MYOM3: variants seen among roughly 807,000 people sequenced by gnomAD.
MYOM3 encodes the protein myomesin 3, also known as myomesin-3.
A neutral mutation model predicts 191.7 loss-of-function variants in MYOM3; 155 were observed. That is an observed-to-expected ratio of 0.81 (90% CI 0.71 to 0.92). The LOEUF is 0.92. Among genes scored for constraint, MYOM3 ranks in the 40% least tolerant of loss-of-function variants. The pLI is 0.00. For synonymous variants in MYOM3, 757 were observed against 762.9 expected, an observed-to-expected ratio of 0.99 and a Z score of 0.13; for missense variants, 1,889 against 1,890.6, an observed-to-expected ratio of 1.00 and a Z score of 0.02.
rs546596346 is a variant in MYOM3, at chr1:24,093,184, G to T, written c.929-76C>A. On this transcript the variant is annotated intron_variant, in intron 9 of 36. Coordinates refer to ENST00000374434, the MANE Select transcript of MYOM3 (RefSeq NM_152372.4). Reference sequence around the variant, plus strand: ...ACCTGGGAACCACAGAAACTGGGGGGTCTGGAGACCCTGGCTGGGCAGAGA... The same window carrying T: ...ACCTGGGAACCACAGAAACTGGGGGTTCTGGAGACCCTGGCTGGGCAGAGA... 9.6e-6 allele frequency: 9 copies of T among 938,460 alleles called. No homozygotes were observed. The Admixed American group carries it at 1.0e-4, about 11-fold the overall frequency. The allele number at this position is 938,460 out of a possible 1,614,324, so 58.1% of individuals were successfully genotyped here. A position where few individuals can be genotyped will look rare whatever the true frequency, so the allele number is the denominator to read the frequency against.
rs1282930646 is a variant in MYOM3 at position 24,067,108 on chromosome 1, GT to G, written c.3356-21del. 3 of 1,562,948 alleles carry G rather than the reference GT, an allele frequency of 1.9e-6. No individual in the cohort carries two copies. The African/African-American group carries it at 4.1e-5, about 21-fold the overall frequency. ...AGGGACCTGTGCGTGCAAAACAAATGTGCCCACTGTCAGAGAGCCAGGCTCA... is the reference window on the plus strand; with the variant it reads ...AGGGACCTGTGCGTGCAAAACAAATGGCCCACTGTCAGAGAGCCAGGCTCA... On this transcript the variant is annotated intron_variant, in intron 27 of 36. Coordinates refer to ENST00000374434, the MANE Select transcript of MYOM3 (RefSeq NM_152372.4).
In MYOM3 at chr1:24,087,056, C is replaced by T. The variant is rs1469905376; in HGVS notation, c.1615-229G>A. The stretch of plus-strand genomic sequence containing the variant: ...GTCCACAACGCGGCTCCAGAGCTTC[C>T]CACACCTGCATTGCACTGGTGGCCC... On this transcript the variant is annotated intron_variant, in intron 14 of 36. Coordinates refer to ENST00000374434, the MANE Select transcript of MYOM3 (RefSeq NM_152372.4). This position sits in a 1 kb window ranked among gnomAD's most constrained non-coding sequence, Gnocchi z 4.5. 6.6e-6 allele frequency among the ~76,000 whole-genome samples: 1 copy of T among 152,154 alleles called. No individual in the cohort carries two copies. The highest frequency in any genetic ancestry group is 2.1e-4 in the South Asian group (1 of 4,812).
chr1:24,094,452 C>T (rs1468203460), intron 9 of MYOM3, among the ~76,000 whole-genome samples: 2 of 152,088 alleles, frequency 1.3e-5, no homozygotes, highest in Non-Finnish European at 2.9e-5. Context: ...CAGGTGTGAG[C>T]CACCACGCCT....
At chr1:24,085,593 C>A (rs1643728899) in intron 15 of MYOM3, among the ~76,000 whole-genome samples, 1 of 152,170 alleles carries the variant, frequency 6.6e-6, no homozygotes, top group South Asian at 2.1e-4. Flanking sequence ...TCCTGCCTAT[C>A]CCAGGTCTTC....
rs368381357 is a variant in MYOM3 at position 24,074,293 on chromosome 1, G to A, written c.2859-24C>T. On this transcript the variant is annotated intron_variant, in intron 22 of 36. Transcript: ENST00000374434. ...ACCTGGCAGAGAGAGGAGAGCAGAG[G>A]CTCTGGGAGGAGCTCCTTGGTCCTG... The A allele has an allele frequency of 2.3e-5, 36 of 1,578,728 alleles. No individual in the cohort carries two copies. In the African/African-American group the frequency reaches 4.0e-4, roughly 18 times the overall value.
intron 7 of MYOM3, among the ~76,000 whole-genome samples, chr1:24,096,678 C>T (rs1643879700): frequency 6.6e-6 from 1 of 152,100 alleles, no homozygotes; most frequent in South Asian, 2.1e-4. Flanking sequence ...TGTCTACTGC[C>T]CAAGACAGCT....
intron 6 of MYOM3, 118 bp from the exon 7 acceptor site, chr1:24,098,129 G>C: frequency 1.4e-6 from 1 of 716,412 alleles, no homozygotes; most frequent in South Asian, 1.6e-5. Flanking sequence ...GCCAGGAAGA[G>C]ACTTTGGTCA....
chr1:24,075,202 G>T, intron 22 of MYOM3, 117 bp downstream of exon 22: 1 of 985,050 alleles, frequency 1.0e-6, no homozygotes, highest in Non-Finnish European at 1.5e-6. Context: ...ACTGAGCAGC[G>T]CCTTTCAACC....
In MYOM3 at chr1:24,096,733, C is replaced by CGT. The variant is rs144797762; in HGVS notation, c.745+1188_745+1189dup. ...GAGTGCGCGTGTGTGTATGAGTGCA[C>CGT]GTGTGTGTGTGTGTGTATGTGTGCA... is the stretch of plus-strand genomic sequence containing the variant. On this transcript the variant is annotated intron_variant, in intron 7 of 36. Transcript: ENST00000374434. Among the ~76,000 whole-genome samples, 826 of 150,846 alleles carry CGT rather than the reference C, an allele frequency of 5.5e-3. 3 individuals carry two copies. The highest frequency in any genetic ancestry group is 0.014 in the African/African-American group (587 of 41,206).
intron 16 of MYOM3, chr1:24,083,749 G>A (rs1390742138): frequency 6.6e-6 from 1 of 152,418 alleles, no homozygotes; most frequent in African/African-American, 2.4e-5. Context: ...CTCTATCCAT[G>A]GAGTCCTGCA....
At chr1:24,098,236 G>A (rs541497952) in intron 6 of MYOM3, among the ~76,000 whole-genome samples, 3 of 152,312 alleles carry the variant, frequency 2.0e-5, no homozygotes, top group African/African-American at 4.8e-5. Flanking sequence ...CACCTAAACC[G>A]TCTCAGGAGA....
At chr1:24,107,434 T>A (rs1421812968) in intron 3 of MYOM3, among the ~76,000 whole-genome samples, 1 of 152,244 alleles carries the variant, frequency 6.6e-6, no homozygotes, top group Non-Finnish European at 1.5e-5. Context: ...ACTGTTTTCA[T>A]TGTTTTCAAG....
rs1195558022 is a variant in MYOM3 at position 24,108,010 on chromosome 1, G to A, written c.225C>T (p.Ala75=). 1 of 1,613,646 alleles carries A rather than the reference G, an allele frequency of 6.2e-7. No homozygotes were observed. Among genetic ancestry groups the A allele is most frequent in the East Asian group, 2.2e-5 (1 of 44,838 alleles). ...TGACTCACCAAGACAGCTCGGAGGA[G>A]GCCGTCAGAGCCAGGGCTGCTGCCA... ...YALAAALALT[A]SSELSWEAQL... The change falls in exon 3 of 37, where the codon GCC becomes GCT. Residue 75 remains alanine (A), a synonymous_variant. Coordinates refer to ENST00000374434, the MANE Select transcript of MYOM3 (RefSeq NM_152372.4).
At position 24,080,055 on chromosome 1, in the gene MYOM3, C is replaced by T. The variant is rs375055129; in HGVS notation, c.2547G>A (p.Lys849=). 51 of 1,613,932 alleles carry T rather than the reference C, an allele frequency of 3.2e-5. No individual in the cohort carries two copies. Among genetic ancestry groups the T allele is most frequent in the Non-Finnish European group, 4.3e-5 (51 of 1,180,000 alleles). Residue 849 remains lysine, a synonymous_variant, in exon 20 of 37, where the codon AAG becomes AAA. Coordinates refer to ENST00000374434, the MANE Select transcript of MYOM3 (RefSeq NM_152372.4). ...SFQEEGSEQW[K]PVTPGPISGT... Reference sequence around the variant, plus strand: ...CAGAGATGGGGCCTGGGGTGACCGGCTTCCACTGCTCAGAGCCTTCCTCCT... The same window carrying T: ...CAGAGATGGGGCCTGGGGTGACCGGTTTCCACTGCTCAGAGCCTTCCTCCT...
At position 24,057,607 on chromosome 1, in the gene MYOM3, G is replaced by C. The variant is rs753219856; in HGVS notation, c.4071C>G (p.Ile1357Met). ...MEDKTLCLTC[I>M]VSGDPTPEIS... Reference sequence around the variant, plus strand: ...TTTCAGGGGTGGGGTCTCCTGAGACGATGCAAGTCAAGCACAGGGTCTGTT... The same window carrying C: ...TTTCAGGGGTGGGGTCTCCTGAGACCATGCAAGTCAAGCACAGGGTCTGTT... The change falls in exon 37 of 37, where the codon ATC becomes ATG. Residue 1357 changes from isoleucine to methionine, a missense_variant. Transcript: ENST00000374434. 6.2e-7 allele frequency: 1 copy of C among 1,614,046 alleles called. No homozygotes were observed. The highest frequency in any genetic ancestry group is 1.7e-5 in the Admixed American group (1 of 60,026).
rs201072666 is a variant in MYOM3, at chr1:24,076,255, C to T, written c.2605G>A (p.Gly869Arg). ...THLRVSDLQP[G>R]KSYVFQVQAM... ...TGTACCTGGAACACGTAACTCTTTC[C>T]TGGCTGCAAGTCGGAAACCTGGGGG... Residue 869 changes from glycine to arginine, a missense_variant, in exon 21 of 37, where the codon GGA becomes AGA. Gly to Arg is a moderately radical substitution (Grantham distance 125, BLOSUM62 -2). Coordinates refer to ENST00000374434, the MANE Select transcript of MYOM3 (RefSeq NM_152372.4). 1.9e-6 allele frequency: 3 copies of T among 1,614,168 alleles called. No homozygotes were observed. The highest frequency in any genetic ancestry group is 2.7e-5 in the African/African-American group (2 of 75,056).
At chr1:24,068,108 C>A in intron 26 of MYOM3, 79 bp from the exon 27 acceptor site, 1 of 1,481,342 alleles carries the variant, frequency 6.8e-7, no homozygotes, top group South Asian at 1.1e-5. Context: ...GGACAGAAGT[C>A]GAGGGGGCTG....
chr1:24,107,725 A>G (rs1643996749), intron 3 of MYOM3, among the ~76,000 whole-genome samples: 1 of 152,078 alleles, frequency 6.6e-6, no homozygotes, highest in Non-Finnish European at 1.5e-5. Flanking sequence ...CCACCACGTG[A>G]AGCCCAGAAG....
intron 36 of MYOM3, 99 bp downstream of exon 36, chr1:24,058,825 G>A: frequency 2.2e-6 from 2 of 917,072 alleles, no homozygotes; most frequent in South Asian, 1.4e-5. Flanking sequence ...CCACTCTTTG[G>A]CTTTGAATCC....
Sources: allele counts gnomAD v4.1 joint callset (sites outside exome capture counted in the v4.1 genomes callset), GRCh38; gene constraint gnomAD v4.1.1; non-coding constraint Gnocchi (gnomAD v3.1); transcripts MANE v1.5; gene names NCBI Gene and HGNC (gene_info 2026-07-23, HGNC 2026-07-21).